The following CCDC33 variants were observed in gnomAD, a reference collection of about 807,000 sequenced individuals.
The protein encoded by CCDC33 is coiled-coil domain-containing protein 33.
CCDC33 carries 94 observed loss-of-function variants against 91.9 expected under a neutral mutation model. That is an observed-to-expected ratio of 1.02 (90% CI 0.87 to 1.21). CCDC33 has a LOEUF of 1.21. CCDC33 is among the 50% of genes most tolerant of loss of function. The pLI, the probability that CCDC33 is intolerant of heterozygous loss-of-function variation, is 0.00. For missense variants in CCDC33, 940 were observed against 935.5 expected (o/e 1.00, Z -0.06); for synonymous variants, 396 against 374.5 (o/e 1.06, Z -0.66).
intron 11 of CCDC33, chr15:74,300,194 T>G (rs1282252843): frequency 6.6e-6 from 1 of 152,234 alleles, no homozygotes; most frequent in Non-Finnish European, 1.5e-5. Flanking sequence ...CAAGCGACCA[T>G]GAGGCACAGT....
intron 2 of CCDC33, chr15:74,209,707 G>T (rs1033358757): frequency 3.8e-5 from 18 of 472,340 alleles, no homozygotes; most frequent in Non-Finnish European, 6.4e-5. Context: ...CCTGAGCACA[G>T]GCTCTCCCTA....
intron 5 of CCDC33, among the ~76,000 whole-genome samples, chr15:74,269,490 C>G (rs2076257526): frequency 6.6e-6 from 1 of 152,198 alleles, no homozygotes. Flanking sequence ...CTACAGGCGC[C>G]CTCTGCTCCC....
intron 2 of CCDC33, among the ~76,000 whole-genome samples, chr15:74,227,385 T>A (rs2074836102): frequency 6.6e-6 from 1 of 152,238 alleles, no homozygotes; most frequent in South Asian, 2.1e-4. Flanking sequence ...AATGCTGGGC[T>A]TTCTGGGCAC....
intron 3 of CCDC33, 35 bp downstream of exon 3, chr15:74,262,608 G>T (rs775484827): frequency 5.0e-6 from 8 of 1,596,216 alleles, no homozygotes; most frequent in Non-Finnish European, 6.0e-6. Context: ...GCATGTGCAG[G>T]CAGGGTGTGA....
At chr15:74,231,500 CA>C (rs1167351955), upstream of CCDC33, among the ~76,000 whole-genome samples, 2 of 152,204 alleles carry the variant, frequency 1.3e-5, no homozygotes, top group Non-Finnish European at 2.9e-5. Context: ...CAGGTGTTTT[CA>C]TCTCTGGTCT....
intron 1 of CCDC33, chr15:74,209,266 C>CA: frequency 8.1e-7 from 1 of 1,238,808 alleles, no homozygotes; most frequent in East Asian, 2.5e-5. Flanking sequence ...CCTTGGCCCT[C>CA]AGAGTCACCT....
intron 1 of CCDC33, among the ~76,000 whole-genome samples, chr15:74,238,339 C>T (rs939385729): frequency 3.3e-5 from 5 of 149,350 alleles, no homozygotes; most frequent in South Asian, 2.1e-4. Flanking sequence ...ACCCAGGAGG[C>T]GGAGGTTGCA....
intron 11 of CCDC33, among the ~76,000 whole-genome samples, chr15:74,317,086 G>A (rs367911080): frequency 2.6e-5 from 4 of 152,204 alleles, no homozygotes; most frequent in African/African-American, 9.6e-5. Context: ...TGGGCCAGGT[G>A]CAGTGGCTCA....
At position 74,251,351 on chromosome 15, in the gene CCDC33, G is replaced by A. The variant is rs80125115; in HGVS notation, c.185+7203G>A. Among the ~76,000 whole-genome samples, 457 of 152,382 alleles carry A rather than the reference G, an allele frequency of 3.0e-3. 12 individuals carry two copies. The East Asian group carries it at 0.067, about 22-fold the overall frequency. ...CCTGTCACCCAGCCTGACACAGAGAGACCTGCCAGTCAGAGCACAGCAGGG... is the reference window on the plus strand; with the variant it reads ...CCTGTCACCCAGCCTGACACAGAGAAACCTGCCAGTCAGAGCACAGCAGGG... On this transcript the variant is annotated intron_variant, in intron 2 of 18. Transcript: ENST00000398814.
chr15:74,255,855 A>G (rs1201229457), intron 2 of CCDC33, among the ~76,000 whole-genome samples: 2 of 152,208 alleles, frequency 1.3e-5, no homozygotes, highest in Non-Finnish European at 1.5e-5. Context: ...CCTCCCAGCC[A>G]AGAGCTATTT....
chr15:74,318,434 C>T, intron 11 of CCDC33: 1 of 546,274 alleles, frequency 1.8e-6, no homozygotes, highest in Non-Finnish European at 3.2e-6. Context: ...TTTCAGCCAC[C>T]CCACCCAGAC....
At chr15:74,311,201 C>T (rs1207075720) in intron 11 of CCDC33, among the ~76,000 whole-genome samples, 1 of 152,156 alleles carries the variant, frequency 6.6e-6, no homozygotes, top group Non-Finnish European at 1.5e-5. Context: ...GTCTAGGCCT[C>T]CTTGGATCCC....
At chr15:74,293,097 G>A (rs149712348) in intron 10 of CCDC33, among the ~76,000 whole-genome samples, 1,747 of 152,312 alleles carry the variant, frequency 0.011, 43 homozygotes, top group African/African-American at 0.04. Context: ...GGGCCACACT[G>A]AGTGGATGTC....
chr15:74,307,685 C>T (rs559772695), intron 11 of CCDC33, among the ~76,000 whole-genome samples: 20 of 151,870 alleles, frequency 1.3e-4, no homozygotes, highest in Non-Finnish European at 2.6e-4. Flanking sequence ...CGAGTTCCAC[C>T]TGGAACATTT....
chr15:74,207,973 A>G, intron 1 of CCDC33: 2 of 1,427,380 alleles, frequency 1.4e-6, no homozygotes, highest in Non-Finnish European at 1.8e-6. Flanking sequence ...CTCCCCTGCC[A>G]TGTGGGAGGG....
chr15:74,295,151 G>T (rs565414596), intron 10 of CCDC33, among the ~76,000 whole-genome samples: 1 of 152,168 alleles, frequency 6.6e-6, no homozygotes, highest in Non-Finnish European at 1.5e-5. Flanking sequence ...AAGTGTGGGT[G>T]CCAGAGATGG....
chr15:74,330,301 C>A lies in CCDC33; in HGVS notation c.1403C>A (p.Ala468Asp), dbSNP rs1047152638. 6.2e-7 allele frequency: 1 copy of A among 1,611,042 alleles called. No homozygotes were observed. Among genetic ancestry groups the A allele is most frequent in the Admixed American group, 1.7e-5 (1 of 59,806 alleles). Reference sequence around the variant, plus strand: ...AACCGCATACTGAGGAGCCGCCTGGCCCAGCAGGAGGAGGAAGAGGGGCAG... The same window carrying A: ...AACCGCATACTGAGGAGCCGCCTGGACCAGCAGGAGGAGGAAGAGGGGCAG... ...GENRILRSRLAQQEEEEGQGK... is the reference protein window; with the variant it reads ...GENRILRSRLDQQEEEEGQGK... The change falls in exon 12 of 19, where the codon GCC becomes GAC. Residue 468 changes from alanine (A) to aspartate (D), a missense_variant. Physicochemically the swap from Ala to Asp is moderately radical, Grantham distance 126 (BLOSUM62 -2). Transcript: ENST00000398814.
At chr15:74,225,671 C>A (rs532200752) in intron 2 of CCDC33, among the ~76,000 whole-genome samples, 5 of 152,148 alleles carry the variant, frequency 3.3e-5, no homozygotes, top group Non-Finnish European at 7.3e-5. Context: ...ACAACAACCC[C>A]AAGTGCAGCA....
chr15:74,280,424 G>C (rs1481396162), intron 8 of CCDC33, among the ~76,000 whole-genome samples: 3 of 152,174 alleles, frequency 2.0e-5, no homozygotes, highest in Non-Finnish European at 4.4e-5. Flanking sequence ...CTGCACTGTG[G>C]GATTGAAGCC....
Sources: allele counts gnomAD v4.1 joint callset (sites outside exome capture counted in the v4.1 genomes callset), GRCh38; gene constraint gnomAD v4.1.1; transcripts MANE v1.5; gene names NCBI Gene and HGNC (gene_info 2026-07-23, HGNC 2026-07-21).